MACROD2: variants seen among roughly 807,000 people sequenced by gnomAD.
The protein encoded by MACROD2 is ADP-ribose glycohydrolase MACROD2.
Under a neutral mutation model 70.4 loss-of-function variants are expected in MACROD2, and 36 were observed. The ratio of observed to expected loss-of-function variants is 0.51; its 90% confidence interval spans 0.39 to 0.68. The LOEUF (loss-of-function observed/expected upper bound fraction) is 0.68. Ranked by LOEUF, MACROD2 falls within the 30% of genes least tolerant of loss-of-function variation. The pLI is 0.00. For missense variants in MACROD2, 496 were observed against 538.4 expected, an observed-to-expected ratio of 0.92 and a Z score of 0.78; for synonymous variants, 172 against 178.8, an observed-to-expected ratio of 0.96 and a Z score of 0.30.
chr20:15,125,568 T>C (rs1263696749), intron 5 of MACROD2, among the ~76,000 whole-genome samples: 1 of 152,078 alleles, frequency 6.6e-6, no homozygotes, highest in Non-Finnish European at 1.5e-5. Context: ...GGGGTTATAT[T>C]AGCAATGTTT....
chr20:15,310,873 A>G (rs868306568), intron 6 of MACROD2, among the ~76,000 whole-genome samples: 3 of 152,190 alleles, frequency 2.0e-5, no homozygotes, highest in African/African-American at 4.8e-5. Flanking sequence ...ACTATATCCC[A>G]AAGGAACCCA....
intron 4 of MACROD2, among the ~76,000 whole-genome samples, chr20:14,510,955 C>G (rs1334030831): frequency 6.6e-6 from 1 of 151,974 alleles, no homozygotes; most frequent in Non-Finnish European, 1.5e-5. Context: ...TGATAAAATG[C>G]TGTGGGTGTA....
At chr20:14,650,614 A>G (rs1478825253) in intron 4 of MACROD2, among the ~76,000 whole-genome samples, 1 of 152,216 alleles carries the variant, frequency 6.6e-6, no homozygotes, top group African/African-American at 2.4e-5. Context: ...TCTATGGTAA[A>G]CTAACAGCAA....
chr20:15,017,943 AG>A (rs1179137047), intron 5 of MACROD2, among the ~76,000 whole-genome samples: 2 of 152,248 alleles, frequency 1.3e-5, no homozygotes, highest in Admixed American at 1.3e-4. Context: ...CTGTGATGGG[AG>A]GGGCTGCTGG....
At chr20:15,442,298 G>C (rs917527409) in intron 7 of MACROD2, among the ~76,000 whole-genome samples, 4 of 152,096 alleles carry the variant, frequency 2.6e-5, no homozygotes, top group African/African-American at 9.7e-5. Flanking sequence ...GACCATATTA[G>C]TTAGGGTAAA....
chr20:14,525,705 G>T (rs2085223269), intron 4 of MACROD2, among the ~76,000 whole-genome samples: 2 of 152,210 alleles, frequency 1.3e-5, no homozygotes, highest in African/African-American at 4.8e-5. Flanking sequence ...GCCCTAATCT[G>T]CATCTTCAAT....
Position 16,006,967 on chromosome 20 carries a change from T to C in MACROD2, c.1153+19809T>C, listed in dbSNP as rs143682938. Reference sequence around the variant, plus strand: ...GGAGATGTGCCTGTATTAAATATTATACATCTACTGTACCATTAGAGGACA... The same window carrying C: ...GGAGATGTGCCTGTATTAAATATTACACATCTACTGTACCATTAGAGGACA... On this transcript the variant is annotated intron_variant, in intron 15 of 17. Coordinates refer to ENST00000684519, the MANE Select transcript of MACROD2 (RefSeq NM_001351661.2). 3.9e-5 allele frequency among the ~76,000 whole-genome samples: 6 copies of C among 152,306 alleles called. No homozygotes were observed. In the East Asian group the frequency reaches 1.2e-3, roughly 29 times the overall value.
chr20:15,894,018 G>A (rs1363920493), intron 10 of MACROD2: 1 of 435,428 alleles, frequency 2.3e-6, no homozygotes, highest in Non-Finnish European at 4.6e-6. Context: ...CCCATGCTCA[G>A]TCACTGGCTG....
At chr20:14,758,077 C>A in intron 5 of MACROD2, 3 of 520,724 alleles carry the variant, frequency 5.8e-6, no homozygotes, top group Non-Finnish European at 3.5e-6. Context: ...GGTTATTTTG[C>A]ATTGTATAAA....
intron 5 of MACROD2, among the ~76,000 whole-genome samples, chr20:14,857,590 A>G (rs1457305020): frequency 2.6e-5 from 4 of 152,180 alleles, no homozygotes; most frequent in Non-Finnish European, 4.4e-5. Flanking sequence ...TACAAGTTAT[A>G]AGCAGCCTTC....
chr20:15,984,475 AT>A (rs1256739812), intron 13 of MACROD2, among the ~76,000 whole-genome samples: 2 of 152,072 alleles, frequency 1.3e-5, no homozygotes, highest in Admixed American at 6.5e-5. Flanking sequence ...TTTTGCATAA[AT>A]TTTTTTATAA....
At chr20:14,808,395 G>C (rs1456262981) in intron 5 of MACROD2, among the ~76,000 whole-genome samples, 2 of 151,980 alleles carry the variant, frequency 1.3e-5, no homozygotes, top group Non-Finnish European at 2.9e-5. Context: ...GAGGGATTTT[G>C]TCACCACCAG....
At chr20:14,862,197 A>G (rs1374413685) in intron 5 of MACROD2, among the ~76,000 whole-genome samples, 173 of 10,580 alleles carry the variant, frequency 0.016, 13 homozygotes, top group African/African-American at 0.054. Context: ...ATTTATACAT[A>G]AATATATAAA....
chr20:15,304,698 G>A lies in MACROD2; in HGVS notation c.540+74637G>A, dbSNP rs191520433. 2.5e-3 allele frequency among the ~76,000 whole-genome samples: 383 copies of A among 151,888 alleles called. 3 individuals carry two copies. The highest frequency in any genetic ancestry group is 0.017 in the Middle Eastern group (5 of 292). On this transcript the variant is annotated intron_variant, in intron 6 of 17. Coordinates refer to ENST00000684519, the MANE Select transcript of MACROD2 (RefSeq NM_001351661.2). ...AGCTCACTGCAGACGACCCCTTCCC[G>A]CTCTCCCCTCTCTCCCTTACGTGCC...
intron 8 of MACROD2, among the ~76,000 whole-genome samples, chr20:15,577,439 A>C (rs538218909): frequency 3.9e-5 from 6 of 152,318 alleles, no homozygotes; most frequent in African/African-American, 1.4e-4. Flanking sequence ...TATAACTATA[A>C]TGCCATCATC....
At chr20:15,024,027 G>A (rs1239601486) in intron 5 of MACROD2, among the ~76,000 whole-genome samples, 1 of 152,118 alleles carries the variant, frequency 6.6e-6, no homozygotes, top group East Asian at 1.9e-4. Flanking sequence ...CCTACTCATA[G>A]CCTAGAATTT....
chr20:14,573,840 G>A (rs746118946), intron 4 of MACROD2, among the ~76,000 whole-genome samples: 1 of 152,110 alleles, frequency 6.6e-6, no homozygotes, highest in South Asian at 2.1e-4. Context: ...CTTTGCCTTA[G>A]TTCACTGGTA....
At chr20:15,949,027 T>C (rs1180529580) in intron 12 of MACROD2, among the ~76,000 whole-genome samples, 2 of 152,192 alleles carry the variant, frequency 1.3e-5, no homozygotes, top group East Asian at 3.9e-4. Flanking sequence ...AATTTTCAAA[T>C]TTAGTGGCCT....
intron 4 of MACROD2, among the ~76,000 whole-genome samples, chr20:14,632,305 A>G (rs1289530565): frequency 1.3e-5 from 2 of 152,190 alleles, no homozygotes; most frequent in African/African-American, 4.8e-5. Context: ...TAAAAGTTAG[A>G]AACATGTAAG....
Sources: allele counts gnomAD v4.1 joint callset (sites outside exome capture counted in the v4.1 genomes callset), GRCh38; gene constraint gnomAD v4.1.1; transcripts MANE v1.5; gene names NCBI Gene and HGNC (gene_info 2026-07-23, HGNC 2026-07-21).